Variants in SGCZ observed in about 807,000 individuals in gnomAD.
SGCZ encodes the protein zeta-sarcoglycan.
A neutral mutation model predicts 41.3 loss-of-function variants in SGCZ; 40 were observed. That is an observed-to-expected ratio of 0.97 (90% CI 0.75 to 1.26). SGCZ has a LOEUF of 1.26. Among genes scored for constraint, SGCZ ranks in the 50% most tolerant of loss-of-function variants. The probability of loss-of-function intolerance (pLI) is 0.00; values close to 1 mark genes in which losing one functional copy is unlikely to be tolerated. For missense variants in SGCZ, 552 were observed against 369.8 expected (o/e 1.49, Z -4.04); for synonymous variants, 206 against 137.5 (o/e 1.50, Z -3.49).
chr8:15,183,122 C>T (rs1272613893), intron 1 of SGCZ, among the ~76,000 whole-genome samples: 3 of 152,160 alleles, frequency 2.0e-5, no homozygotes, highest in African/African-American at 7.2e-5. Flanking sequence ...TTCTGAAATA[C>T]CTCCTGAAGG....
Position 14,088,473 on chromosome 8 carries a change from A to G in SGCZ, c.*1970T>C, listed in dbSNP as rs1801593232. ...AAAAGTCCATAATATAGTGATTAGCACACATAATTTCTCAATATTTCTTGT... is the reference window on the plus strand; with the variant it reads ...AAAAGTCCATAATATAGTGATTAGCGCACATAATTTCTCAATATTTCTTGT... On this transcript the variant is annotated 3_prime_UTR_variant, in exon 8 of 8. Transcript: ENST00000382080. Among the ~76,000 whole-genome samples the G allele has an allele frequency of 6.6e-6, 1 of 151,842 alleles. No homozygotes were observed. Among genetic ancestry groups the G allele is most frequent in the Non-Finnish European group, 1.5e-5 (1 of 67,844 alleles).
At chr8:15,146,497 C>A (rs373411109) in intron 1 of SGCZ, among the ~76,000 whole-genome samples, 1 of 152,150 alleles carries the variant, frequency 6.6e-6, no homozygotes, top group African/African-American at 2.4e-5. Context: ...GCCTCAGCCC[C>A]GTGAGTAGAT....
intron 2 of SGCZ, among the ~76,000 whole-genome samples, chr8:14,463,016 G>T (rs956607934): frequency 1.3e-5 from 2 of 151,610 alleles, no homozygotes; most frequent in Admixed American, 1.3e-4. Flanking sequence ...AAATACAACT[G>T]ATTTTTTGTG....
At chr8:14,347,935 G>A (rs926848657) in intron 2 of SGCZ, among the ~76,000 whole-genome samples, 13 of 152,094 alleles carry the variant, frequency 8.5e-5, no homozygotes, top group African/African-American at 3.1e-4. Context: ...TGAGAATATA[G>A]CATTAAAATG....
rs117076961 is a variant in SGCZ, at chr8:14,278,180, T to C, written c.337-40501A>G. Among the ~76,000 whole-genome samples, 115 of 152,212 alleles carry C rather than the reference T, an allele frequency of 7.6e-4. 1 individual carries two copies. In the East Asian group the frequency reaches 0.021, roughly 28 times the overall value. ...CCCTAAAAATTACTTATTACCCTCATAAAATTGCCTACAGTCCCACATATC... is the reference window on the plus strand; with the variant it reads ...CCCTAAAAATTACTTATTACCCTCACAAAATTGCCTACAGTCCCACATATC... On this transcript the variant is annotated intron_variant, in intron 3 of 7. Transcript: ENST00000382080.
chr8:14,701,500 T>C (rs1809135395), intron 1 of SGCZ, among the ~76,000 whole-genome samples: 1 of 151,972 alleles, frequency 6.6e-6, no homozygotes, highest in South Asian at 2.1e-4. Context: ...CAGATGGATG[T>C]AGACGAATGA....
chr8:14,977,446 G>A (rs974275882), intron 1 of SGCZ, among the ~76,000 whole-genome samples: 1 of 152,120 alleles, frequency 6.6e-6, no homozygotes, highest in Non-Finnish European at 1.5e-5. Context: ...AAAGAGTAGT[G>A]CTTTATCATT....
chr8:14,754,536 T>G (rs1161926402), intron 1 of SGCZ, among the ~76,000 whole-genome samples: 1 of 152,218 alleles, frequency 6.6e-6, no homozygotes, highest in East Asian at 1.9e-4. Flanking sequence ...CATTTACACA[T>G]ATATTATAGG....
At chr8:14,484,440 A>C (rs890066595) in intron 2 of SGCZ, among the ~76,000 whole-genome samples, 4 of 152,150 alleles carry the variant, frequency 2.6e-5, no homozygotes, top group African/African-American at 9.7e-5. Context: ...AAAGGTTTAC[A>C]AATAAATTTT....
chr8:15,115,149 CA>C (rs1807220632), intron 1 of SGCZ, among the ~76,000 whole-genome samples: 1 of 152,150 alleles, frequency 6.6e-6, no homozygotes, highest in Admixed American at 6.5e-5. Context: ...TGACTCCATG[CA>C]GTGATTCAGA....
At chr8:14,775,436 A>G (rs1012268580) in intron 1 of SGCZ, among the ~76,000 whole-genome samples, 1 of 149,418 alleles carries the variant, frequency 6.7e-6, no homozygotes, top group Admixed American at 6.7e-5. Flanking sequence ...TCTGTGTATG[A>G]CAGTATGCTG....
At chr8:15,124,933 T>C (rs907665731) in intron 1 of SGCZ, among the ~76,000 whole-genome samples, 3 of 152,290 alleles carry the variant, frequency 2.0e-5, no homozygotes, top group Non-Finnish European at 4.4e-5. Context: ...TGATAATACA[T>C]TATGGCTATG....
At chr8:15,097,886 GTGTATATA>G (rs1563124113) in intron 1 of SGCZ, among the ~76,000 whole-genome samples, 2 of 19,016 alleles carry the variant, frequency 1.1e-4, no homozygotes, top group African/African-American at 2.8e-4. Flanking sequence ...ATATATACGT[GTGTATATA>G]TATATATATA....
intron 1 of SGCZ, among the ~76,000 whole-genome samples, chr8:15,091,708 T>C (rs1041730568): frequency 3.9e-5 from 6 of 152,176 alleles, no homozygotes; most frequent in African/African-American, 1.4e-4. Flanking sequence ...CCCATTGTTA[T>C]AGACATTATA....
chr8:14,703,857 A>G (rs1157994860), intron 1 of SGCZ, among the ~76,000 whole-genome samples: 1 of 152,044 alleles, frequency 6.6e-6, no homozygotes, highest in Admixed American at 6.6e-5. Flanking sequence ...CAGTTATAGA[A>G]AATTGCTAAT....
At chr8:14,652,058 G>A (rs1157744620) in intron 1 of SGCZ, among the ~76,000 whole-genome samples, 3 of 151,764 alleles carry the variant, frequency 2.0e-5, no homozygotes, top group South Asian at 2.1e-4. Context: ...TCTTTATCAC[G>A]GAAAGAATAA....
At chr8:14,737,081 T>C (rs1342290231) in intron 1 of SGCZ, among the ~76,000 whole-genome samples, 1 of 146,078 alleles carries the variant, frequency 6.8e-6, no homozygotes, top group Non-Finnish European at 1.5e-5. Flanking sequence ...ATATCTGGTA[T>C]ATAAGATATA....
chr8:14,580,909 G>T (rs1804867332), intron 1 of SGCZ, among the ~76,000 whole-genome samples: 1 of 152,038 alleles, frequency 6.6e-6, no homozygotes, highest in Non-Finnish European at 1.5e-5. Context: ...ACAATTTACT[G>T]GTATTCACAA....
chr8:14,125,855 C>T (rs1802838381), intron 5 of SGCZ, among the ~76,000 whole-genome samples: 1 of 152,078 alleles, frequency 6.6e-6, no homozygotes. Context: ...ACAAACCTGA[C>T]AAAAACAAGC....
Sources: allele counts gnomAD v4.1 joint callset (sites outside exome capture counted in the v4.1 genomes callset), GRCh38; gene constraint gnomAD v4.1.1; transcripts MANE v1.5; gene names NCBI Gene and HGNC (gene_info 2026-07-23, HGNC 2026-07-21).